The following ERRFI1 variants were observed in gnomAD, a reference collection of about 807,000 sequenced individuals.
ERRFI1 encodes the protein mitogen-inducible gene 6 protein.
Under a neutral mutation model 14.6 loss-of-function variants are expected in ERRFI1, and 12 were observed. The ratio of observed to expected loss-of-function variants is 0.82; its 90% confidence interval spans 0.53 to 1.33. The LOEUF is 1.33. Ranked by LOEUF, ERRFI1 falls within the 40% of genes most tolerant of loss-of-function variation. ERRFI1 has a pLI of 0.00. For missense variants in ERRFI1, 482 were observed against 572.1 expected (o/e 0.84, Z 1.61); for synonymous variants, 202 against 209.9 (o/e 0.96, Z 0.32).
intron 1 of ERRFI1, among the ~76,000 whole-genome samples, chr1:8,016,612 T>C (rs1286042777): frequency 6.6e-6 from 1 of 152,226 alleles, no homozygotes; most frequent in Non-Finnish European, 1.5e-5. Flanking sequence ...TTTTTATTAT[T>C]CGTTATGTGT....
At chr1:8,026,052 C>G (rs987759131) in intron 1 of ERRFI1, 106 bp downstream of exon 1, 1 of 151,776 alleles carries the variant, frequency 6.6e-6, no homozygotes, top group Non-Finnish European at 1.5e-5. Context: ...CGCCCCCGCC[C>G]TCGCGTCGGG....
chr1:8,021,634 T>C (rs955842196), intron 1 of ERRFI1, among the ~76,000 whole-genome samples: 1 of 152,206 alleles, frequency 6.6e-6, no homozygotes, highest in African/African-American at 2.4e-5. Context: ...TCTAGATTGT[T>C]ACAATTAATA....
In ERRFI1 at chr1:8,012,260, CT is replaced by C. The variant is rs1021375203; in HGVS notation, c.*949del. The C allele has an allele frequency of 1.8e-5, 4 of 222,970 alleles. No homozygotes were observed. The highest frequency in any genetic ancestry group is 9.0e-5 in the African/African-American group (4 of 44,600). 13.8% of individuals were successfully genotyped at this position (222,970 alleles called of 1,614,324 possible). ...TGTGTTGTATGTTTATTAATACAGT[CT>C]AAAAAAAAAAAGCAAAACCACAACA... On this transcript the variant is annotated 3_prime_UTR_variant, in exon 4 of 4. Transcript: ENST00000377482.
At chr1:8,017,059 T>C (rs1333157875) in intron 1 of ERRFI1, among the ~76,000 whole-genome samples, 1 of 152,190 alleles carries the variant, frequency 6.6e-6, no homozygotes, top group African/African-American at 2.4e-5. Context: ...AAGTGAATGT[T>C]TGCTGAATGA....
chr1:8,016,652 A>G (rs1379005847), intron 1 of ERRFI1, among the ~76,000 whole-genome samples: 1 of 152,154 alleles, frequency 6.6e-6, no homozygotes, highest in Non-Finnish European at 1.5e-5. Flanking sequence ...CTGTCTTCAG[A>G]TAGCCAAGTT....
intron 1 of ERRFI1, among the ~76,000 whole-genome samples, chr1:8,020,523 A>AAAAC (rs774745078): frequency 9.2e-5 from 14 of 151,650 alleles, no homozygotes; most frequent in African/African-American, 2.2e-4. Flanking sequence ...TGAGGAAATT[A>AAAAC]AAACAAACAA....
intron 1 of ERRFI1, 31 bp from the exon 2 acceptor site, chr1:8,015,723 A>C: frequency 1.4e-6 from 2 of 1,435,482 alleles, no homozygotes; most frequent in East Asian, 2.3e-5. Flanking sequence ...GAGAATAAAG[A>C]AAACAATTCA....
intron 1 of ERRFI1, 62 bp downstream of exon 1, chr1:8,026,096 C>A (rs994420825): frequency 6.6e-6 from 1 of 151,754 alleles, no homozygotes; most frequent in African/African-American, 2.4e-5. Flanking sequence ...GGCGCGGGGC[C>A]CCCTGAGGGA....
chr1:8,025,125 C>G lies in ERRFI1; in HGVS notation c.-74+1033G>C, dbSNP rs896741339. On this transcript the variant is annotated intron_variant, in intron 1 of 3. Transcript: ENST00000377482. ...CCCTACCTGTGTTGCAGGTGTACCT[C>G]AAGTCACCGACACATCTCTTTTAAA... Among the ~76,000 whole-genome samples, 63 of 152,194 alleles carry G rather than the reference C, an allele frequency of 4.1e-4. 2 individuals are homozygous for G. Among genetic ancestry groups the G allele is most frequent in the Admixed American group, 4.6e-4 (7 of 15,278 alleles).
chr1:8,015,687 C>A lies in ERRFI1; in HGVS notation c.-68G>T. ...CACTTTAAAATCAACCAGTAGCTTT[C>A]ATTCCCTGGGAGGTAGAAGAGATGA... On this transcript the variant is annotated 5_prime_UTR_variant, in exon 2 of 4. The change abolishes an upstream ATG in the 5' untranslated region. Transcript: ENST00000377482. 6.3e-7 allele frequency: 1 copy of A among 1,597,784 alleles called. No individual in the cohort carries two copies. The highest frequency in any genetic ancestry group is 1.1e-5 in the South Asian group (1 of 90,252).
Position 8,014,169 on chromosome 1 carries a change from G to A in ERRFI1, c.430C>T (p.Pro144Ser), listed in dbSNP as rs2124061401. ...GGCCTAGAACCCCGTTCACAAAGAG[G>A]GGCACAGGGGAAAAGGGAAGGGGAG... ...KNSPSLFPCA[P>S]LCERGSRPLP... Residue 144 changes from proline (P) to serine (S), a missense_variant, in exon 4 of 4, where the codon CCT becomes TCT. By Grantham distance (74) the Pro-to-Ser change is moderately conservative (BLOSUM62 -1). Coordinates refer to ENST00000377482, the MANE Select transcript of ERRFI1 (RefSeq NM_018948.4). The A allele has an allele frequency of 5.6e-6, 9 of 1,614,118 alleles. No homozygotes were observed. Among genetic ancestry groups the A allele is most frequent in the Admixed American group, 1.7e-5 (1 of 60,002 alleles).
At position 8,013,736 on chromosome 1, in the gene ERRFI1, G is replaced by C; in HGVS notation, c.863C>G (p.Pro288Arg). 1 of 1,614,138 alleles carries C rather than the reference G, an allele frequency of 6.2e-7. No homozygotes were observed. The highest frequency in any genetic ancestry group is 8.5e-7 in the Non-Finnish European group (1 of 1,180,026). ...EDKPEVPPRV[P>R]IPPRPVKPDY... ...TGGCTTTACTGGTCTAGGAGGTATG[G>C]GAACTCTGGGGGGAACCTCAGGTTT... Residue 288 changes from proline (P) to arginine (R), a missense_variant, in exon 4 of 4, where the codon CCC (proline) becomes CGC (arginine). By Grantham distance (103) the Pro-to-Arg change is moderately radical. Coordinates refer to ENST00000377482, the MANE Select transcript of ERRFI1 (RefSeq NM_018948.4). This position sits in a 1 kb window ranked among gnomAD's most constrained non-coding sequence, Gnocchi z 4.3.
In ERRFI1 at chr1:8,012,985, A is replaced by C. The variant is rs1209536480; in HGVS notation, c.*225T>G. 1.9e-6 allele frequency: 1 copy of C among 527,684 alleles called. No individual in the cohort carries two copies. Among genetic ancestry groups the C allele is most frequent in the Non-Finnish European group, 3.3e-6 (1 of 302,298 alleles). 32.7% of individuals were successfully genotyped at this position (527,684 alleles called of 1,614,324 possible). A position where few individuals can be genotyped will look rare whatever the true frequency, so the allele number is the denominator to read the frequency against. ...TCCCCATCCTCCCCTCCCCACCATCACATCTTTAAATTATAGACTTGTAAG... is the reference window on the plus strand; with the variant it reads ...TCCCCATCCTCCCCTCCCCACCATCCCATCTTTAAATTATAGACTTGTAAG... On this transcript the variant is annotated 3_prime_UTR_variant, in exon 4 of 4. Transcript: ENST00000377482.
intron 1 of ERRFI1, among the ~76,000 whole-genome samples, chr1:8,023,024 G>C (rs1225775846): frequency 6.6e-6 from 1 of 152,150 alleles, no homozygotes; most frequent in Non-Finnish European, 1.5e-5. Flanking sequence ...TATTTACACA[G>C]GTGGTTTGGG....
intron 1 of ERRFI1, 131 bp downstream of exon 1, chr1:8,026,027 T>TC (rs922960238): frequency 6.6e-6 from 1 of 151,058 alleles, no homozygotes; most frequent in Non-Finnish European, 1.5e-5. Context: ...GCGGCGACCC[T>TC]CCCCGCGCCC....
intron 1 of ERRFI1, among the ~76,000 whole-genome samples, chr1:8,016,815 T>C (rs1641180714): frequency 6.6e-6 from 1 of 152,152 alleles, no homozygotes; most frequent in African/African-American, 2.4e-5. Flanking sequence ...GTGCAAATAA[T>C]ATCTGCACAG....
At position 8,014,296 on chromosome 1, in the gene ERRFI1, T is replaced by C. The variant is rs750210840; in HGVS notation, c.303A>G (p.Glu101=). 17 of 1,614,022 alleles carry C rather than the reference T, an allele frequency of 1.1e-5. No homozygotes were observed. The highest frequency in any genetic ancestry group is 1.4e-5 in the Non-Finnish European group (17 of 1,179,934). Residue 101 remains glutamate, a synonymous_variant, in exon 4 of 4, where the codon GAA becomes GAG. Coordinates refer to ENST00000377482, the MANE Select transcript of ERRFI1 (RefSeq NM_018948.4). ...SLPPLLIPPS[E]NLGPHEEDQV... ...GATCCTCTTCATGTGGTCCCAAGTT[T>C]TCACTTGGGGGAATAAGAAGAGGGG...
intron 1 of ERRFI1, among the ~76,000 whole-genome samples, chr1:8,017,375 C>T (rs564066270): frequency 2.0e-5 from 3 of 152,178 alleles, no homozygotes; most frequent in Middle Eastern, 6.8e-3. Flanking sequence ...GATAGTCAAG[C>T]ATTATTTTTC....
chr1:8,021,606 A>C (rs1641274866), intron 1 of ERRFI1, among the ~76,000 whole-genome samples: 1 of 152,244 alleles, frequency 6.6e-6, no homozygotes, highest in Admixed American at 6.5e-5. Context: ...CAAGCATTTA[A>C]GTTACCCGAT....
Sources: gnomAD v4.1 joint callset for allele counts (sites outside exome capture counted in the v4.1 genomes callset) on GRCh38, gnomAD v4.1.1 for gene constraint, Gnocchi (gnomAD v3.1) non-coding constraint, MANE v1.5 for transcripts, NCBI Gene and HGNC (gene_info 2026-07-23, HGNC 2026-07-21) for gene names.